Variants in AK5 observed in about 807,000 individuals in gnomAD.
AK5 encodes the protein adenylate kinase isoenzyme 5.
AK5 carries 27 observed loss-of-function variants against 69.5 expected under a neutral mutation model. That is an observed-to-expected ratio of 0.39 (90% confidence interval 0.29 to 0.54). The LOEUF is 0.54. AK5 is among the 20% of genes least tolerant of loss of function. The probability of loss-of-function intolerance (pLI) is 0.71; values close to 1 mark genes in which losing one functional copy is unlikely to be tolerated. For missense variants in AK5, 531 were observed against 700.4 expected (o/e 0.76, Z 2.73); for synonymous variants, 260 against 244.4 (o/e 1.06, Z -0.60).
chr1:77,444,354 G>GTA (rs1375015768), intron 8 of AK5, among the ~76,000 whole-genome samples: 12 of 40,434 alleles, frequency 3.0e-4, no homozygotes, highest in East Asian at 1.3e-3. Context: ...CAATATATGT[G>GTA]TATATATAGT....
At chr1:77,286,838 C>A in intron 1 of AK5, 103 bp from the exon 2 acceptor site, 1 of 735,704 alleles carries the variant, frequency 1.4e-6, no homozygotes, top group Non-Finnish European at 1.9e-6. Flanking sequence ...CAGAGTGAGA[C>A]TCTATTTCAA....
chr1:77,288,240 G>A (rs1481715720), intron 2 of AK5, among the ~76,000 whole-genome samples: 1 of 152,116 alleles, frequency 6.6e-6, no homozygotes, highest in Non-Finnish European at 1.5e-5. Context: ...AGAATTAGGG[G>A]TTCAACATGA....
intron 10 of AK5, among the ~76,000 whole-genome samples, chr1:77,517,361 G>A (rs1657712659): frequency 6.6e-6 from 1 of 152,134 alleles, no homozygotes; most frequent in East Asian, 1.9e-4. Context: ...AGGTCAATGT[G>A]GCCACAATGG....
At chr1:77,382,391 C>T (rs1300206850) in intron 6 of AK5, among the ~76,000 whole-genome samples, 1 of 152,142 alleles carries the variant, frequency 6.6e-6, no homozygotes, top group African/African-American at 2.4e-5. Context: ...CACTCTGTCA[C>T]CTAGGCTGGA....
At chr1:77,282,452 G>C (rs1008497327) in intron 1 of AK5, 79 bp downstream of exon 1, 97 of 1,481,226 alleles carry the variant, frequency 6.5e-5, no homozygotes, top group Non-Finnish European at 8.5e-5. Context: ...GCCGCGCCCC[G>C]TCCCACCTTC....
At chr1:77,385,847 G>A (rs116534908) in intron 6 of AK5, among the ~76,000 whole-genome samples, 2,779 of 152,272 alleles carry the variant, frequency 0.018, 45 homozygotes, top group East Asian at 0.073. Context: ...ACAACCATAG[G>A]AGGTGAAAAG....
chr1:77,405,315 C>T lies in AK5; in HGVS notation c.892-5666C>T, dbSNP rs558955711. ...GCTGCTACACGGGAGAGCAGAAACTCCAGTTAAGCACTAGCTGTGTTTTCA... is the reference window on the plus strand; with the variant it reads ...GCTGCTACACGGGAGAGCAGAAACTTCAGTTAAGCACTAGCTGTGTTTTCA... On this transcript the variant is annotated intron_variant, in intron 6 of 13. Transcript: ENST00000354567. Among the ~76,000 whole-genome samples, 8 of 152,344 alleles carry T rather than the reference C, an allele frequency of 5.3e-5. No individual in the cohort carries two copies. The East Asian group carries it at 1.5e-3, about 29-fold the overall frequency.
intron 1 of AK5, chr1:77,282,982 G>C: frequency 2.0e-6 from 2 of 985,528 alleles, no homozygotes; most frequent in Non-Finnish European, 2.4e-6. Flanking sequence ...CGTTTTTCCC[G>C]TTGCCTAGGA....
chr1:77,464,777 G>GT (rs1413006240), intron 8 of AK5, among the ~76,000 whole-genome samples: 2 of 152,168 alleles, frequency 1.3e-5, no homozygotes, highest in Admixed American at 1.3e-4. Flanking sequence ...ATGGACTGAA[G>GT]TGGAGAGACT....
intron 13 of AK5, among the ~76,000 whole-genome samples, chr1:77,544,536 C>A (rs1557665922): frequency 6.9e-6 from 1 of 144,750 alleles, no homozygotes; most frequent in African/African-American, 2.5e-5. Flanking sequence ...TAAAAAAAGT[C>A]TTTTTTTTTT....
At chr1:77,304,780 A>G (rs1173203511) in intron 5 of AK5, among the ~76,000 whole-genome samples, 1 of 152,164 alleles carries the variant, frequency 6.6e-6, no homozygotes, top group Non-Finnish European at 1.5e-5. Flanking sequence ...GCTATTGTAA[A>G]CAGTCCTGCA....
At chr1:77,505,457 T>C (rs896400964) in intron 10 of AK5, among the ~76,000 whole-genome samples, 1 of 152,248 alleles carries the variant, frequency 6.6e-6, no homozygotes, top group Admixed American at 6.5e-5. Flanking sequence ...AATGTGTCTT[T>C]AGCAGTTACC....
chr1:77,487,849 G>T (rs1330627978), intron 10 of AK5, among the ~76,000 whole-genome samples: 1 of 152,198 alleles, frequency 6.6e-6, no homozygotes, highest in Non-Finnish European at 1.5e-5. Context: ...CTTATTGACT[G>T]TTGGACCCCT....
At chr1:77,299,951 C>T (rs1277944836) in intron 5 of AK5, among the ~76,000 whole-genome samples, 3 of 152,106 alleles carry the variant, frequency 2.0e-5, no homozygotes, top group Non-Finnish European at 4.4e-5. Flanking sequence ...AAAACATTAA[C>T]AAAATATCTC....
Position 77,337,013 on chromosome 1 carries a change from G to A in AK5, c.700-3364G>A, listed in dbSNP as rs79700736. ...AATAGCTTAGCAGATTCATTTCAAGGTCATCTTTTTCAGGCCTGAAGTTGC... is the reference window on the plus strand; with the variant it reads ...AATAGCTTAGCAGATTCATTTCAAGATCATCTTTTTCAGGCCTGAAGTTGC... On this transcript the variant is annotated intron_variant, in intron 5 of 13. Coordinates refer to ENST00000354567, the MANE Select transcript of AK5 (RefSeq NM_174858.3). Among the ~76,000 whole-genome samples, 881 of 152,126 alleles carry A rather than the reference G, an allele frequency of 5.8e-3. 12 individuals carry two copies. The highest frequency in any genetic ancestry group is 0.02 in the African/African-American group (843 of 41,482).
chr1:77,419,534 A>G (rs1185863417), intron 8 of AK5, among the ~76,000 whole-genome samples: 2 of 152,232 alleles, frequency 1.3e-5, no homozygotes, highest in East Asian at 3.8e-4. Context: ...AGAAACAGGC[A>G]TTGTAGGCAC....
chr1:77,550,087 G>C (rs1659747424), intron 13 of AK5, among the ~76,000 whole-genome samples: 1 of 152,094 alleles, frequency 6.6e-6, no homozygotes, highest in East Asian at 1.9e-4. Context: ...AGCCTCTCCA[G>C]TAGCTAGGAC....
chr1:77,342,424 A>G (rs1291064522), intron 6 of AK5, among the ~76,000 whole-genome samples: 2 of 152,176 alleles, frequency 1.3e-5, no homozygotes, highest in Non-Finnish European at 2.9e-5. Context: ...AATATTTTGC[A>G]TGGAGGTGAA....
At chr1:77,365,331 TA>T (rs1171820305) in intron 6 of AK5, among the ~76,000 whole-genome samples, 2 of 152,104 alleles carry the variant, frequency 1.3e-5, no homozygotes. Context: ...TTTACTCTGT[TA>T]AAAAAAATTT....
Sources: allele counts gnomAD v4.1 joint callset (sites outside exome capture counted in the v4.1 genomes callset), GRCh38; gene constraint gnomAD v4.1.1; transcripts MANE v1.5; gene names NCBI Gene and HGNC (gene_info 2026-07-23, HGNC 2026-07-21).